SLC9A3: variants seen among roughly 807,000 people sequenced by gnomAD.
SLC9A3 encodes the protein solute carrier family 9 member A3.
In SLC9A3, 37 loss-of-function variants were observed where a neutral mutation model predicts 86.8. The ratio of observed to expected loss-of-function variants is 0.43; its 90% CI spans 0.33 to 0.56. The LOEUF is 0.56. Among genes scored for constraint, SLC9A3 ranks in the 20% least tolerant of loss-of-function variants. The probability of loss-of-function intolerance (pLI) is 0.06; values close to 1 mark genes in which losing one functional copy is unlikely to be tolerated. For missense variants in SLC9A3, 1,011 were observed against 1,171.9 expected (o/e 0.86, Z 2.00); for synonymous variants, 581 against 528.3 (o/e 1.10, Z -1.37).
chr5:495,012 C>T (rs929282323), intron 1 of SLC9A3, among the ~76,000 whole-genome samples: 7 of 152,082 alleles, frequency 4.6e-5, no homozygotes, highest in Admixed American at 3.3e-4. Flanking sequence ...CAGCGGGGCA[C>T]GTGTGGCCCC....
At chr5:479,789 C>T (rs1260938732) in intron 10 of SLC9A3, 47 bp downstream of exon 10, 2 of 1,605,176 alleles carry the variant, frequency 1.2e-6, no homozygotes, top group African/African-American at 2.7e-5. Context: ...CAGCCAGTGC[C>T]AGAGCCTGCT....
Position 491,979 on chromosome 5 carries a change from C to T in SLC9A3, c.304G>A (p.Ala102Thr). 6.2e-7 allele frequency: 1 copy of T among 1,604,466 alleles called. No individual in the cohort carries two copies. The highest frequency in any genetic ancestry group is 8.5e-7 in the Non-Finnish European group (1 of 1,176,206). Residue 102 changes from alanine (A) to threonine (T), a missense_variant, in exon 2 of 17, where the codon GCC becomes ACC. By Grantham distance (58) the Ala-to-Thr change is moderately conservative (BLOSUM62 0). This residue lies in a region of SLC9A3 where 565 missense variants were observed against 790.0 expected (regional missense o/e 0.72). Transcript: ENST00000264938. The surrounding 1 kb of genome is among the most constrained non-coding windows in gnomAD (Gnocchi z 9.2). ...GLVLGGIVWA[A>T]DHIASFTLTP... ...AGTGTGAAGGACGCGATGTGGTCGG[C>T]CGCCCAGACGATGCCGCCCAGCACC...
At position 476,337 on chromosome 5, in the gene SLC9A3, C is replaced by G. The variant is rs776115415; in HGVS notation, c.1932G>C (p.Glu644Asp). 1.9e-6 allele frequency: 3 copies of G among 1,613,824 alleles called. No homozygotes were observed. Among genetic ancestry groups the G allele is most frequent in the Non-Finnish European group, 2.5e-6 (3 of 1,180,030 alleles). ...AGATTTCCCGGTCCTGTTTCTCGTCCTCCGTGGGCGTGAGCTCGTGTCGGC... is the reference window on the plus strand; with the variant it reads ...AGATTTCCCGGTCCTGTTTCTCGTCGTCCGTGGGCGTGAGCTCGTGTCGGC... The part of the protein sequence containing the change: ...LYSRHELTPT[E>D]DEKQDREIFH... The change falls in exon 13 of 17, where the codon GAG (glutamate) becomes GAC (aspartate). Residue 644 changes from glutamate to aspartate, a missense_variant. This residue lies in a region of SLC9A3 where 397 missense variants were observed against 346.3 expected (regional missense o/e 1.15). Transcript: ENST00000264938.
intron 1 of SLC9A3, among the ~76,000 whole-genome samples, chr5:493,396 G>A (rs904250356): frequency 6.6e-6 from 1 of 152,266 alleles, no homozygotes; most frequent in South Asian, 2.1e-4. Flanking sequence ...GAGGGGCGGT[G>A]GAGGCAGTGG....
intron 10 of SLC9A3, chr5:479,546 G>A (rs932487670): frequency 2.6e-5 from 10 of 391,100 alleles, no homozygotes; most frequent in East Asian, 5.8e-5. Context: ...CCTGCTTACC[G>A]TCTGCTCCCA....
chr5:483,048 G>A lies in SLC9A3; in HGVS notation c.1153+214C>T, dbSNP rs542951599. Among the ~76,000 whole-genome samples, 8 of 152,154 alleles carry A rather than the reference G, an allele frequency of 5.3e-5. No homozygotes were observed. In the East Asian group the frequency reaches 1.5e-3, roughly 29 times the overall value. ...CTCGTGCCACTGACCCTGTCTTGAG[G>A]CACATCCAGTGGAGTCAGTGGGAAA... On this transcript the variant is annotated intron_variant, in intron 6 of 16. Coordinates refer to ENST00000264938, the MANE Select transcript of SLC9A3 (RefSeq NM_004174.4).
At position 473,050 on chromosome 5, in the gene SLC9A3, G is replaced by T; in HGVS notation, c.*329C>A. Reference sequence around the variant, plus strand: ...GACGCCAGCTTCAGCAGCGCGGGGCGGCGGCGCGCGCGAGGCCGCTGGAAC... The same window carrying T: ...GACGCCAGCTTCAGCAGCGCGGGGCTGCGGCGCGCGCGAGGCCGCTGGAAC... On this transcript the variant is annotated 3_prime_UTR_variant, in exon 17 of 17. Transcript: ENST00000264938. 1 of 330,112 alleles carries T rather than the reference G, an allele frequency of 3.0e-6. No homozygotes were observed. Among genetic ancestry groups the T allele is most frequent in the Non-Finnish European group, 5.4e-6 (1 of 184,312 alleles). 20.4% of individuals were successfully genotyped at this position (330,112 alleles called of 1,614,324 possible).
intron 1 of SLC9A3, among the ~76,000 whole-genome samples, chr5:498,286 C>T (rs937658271): frequency 5.9e-5 from 9 of 152,148 alleles, no homozygotes; most frequent in Non-Finnish European, 1.0e-4. Context: ...ACTCACATTC[C>T]GGCCATTTCC....
chr5:517,630 C>G (rs1481745580), intron 1 of SLC9A3, among the ~76,000 whole-genome samples: 1 of 151,844 alleles, frequency 6.6e-6, no homozygotes, highest in Admixed American at 6.6e-5. Flanking sequence ...ACTCATCCAT[C>G]TATCCATTCA....
At chr5:507,257 TC>T (rs1202977255) in intron 1 of SLC9A3, among the ~76,000 whole-genome samples, 1 of 115,978 alleles carries the variant, frequency 8.6e-6, no homozygotes, top group Non-Finnish European at 1.7e-5. Flanking sequence ...CAAGCTCCGC[TC>T]CCGGGTTCAC....
chr5:493,936 GGGGAGGGCATGGCCTGCAATGA>G (rs1209525213), intron 1 of SLC9A3, among the ~76,000 whole-genome samples: 1 of 152,244 alleles, frequency 6.6e-6, no homozygotes, highest in Non-Finnish European at 1.5e-5. Flanking sequence ...AACCAAACCA[GGGGAGGGCATGGCCTGCAATGA>G]GGGAGGGCCT....
Position 475,662 on chromosome 5 carries a change from A to G in SLC9A3, c.2150T>C (p.Leu717Pro). 1 of 1,547,536 alleles carries G rather than the reference A, an allele frequency of 6.5e-7. No individual in the cohort carries two copies. The highest frequency in any genetic ancestry group is 8.7e-7 in the Non-Finnish European group (1 of 1,143,022). ...GTTGGGGGGCTCCTCGGTGTCTGAA[A>G]GTTCCAAGTCTGGGGAAGACAGGTT... ...NFTIKEKDLE[L>P]SDTEEPPNYD... Residue 717 changes from leucine to proline, a missense_variant, in exon 15 of 17, where the codon CTT becomes CCT. Around this residue, in one of 3 missense-constraint regions of SLC9A3, gnomAD observed 397 missense variants for 346.3 expected, o/e 1.15. Transcript: ENST00000264938.
rs748877791 is a variant in SLC9A3 at position 476,492 on chromosome 5, G to A, written c.1890+51C>T. On this transcript the variant is annotated intron_variant, in intron 12 of 16. Coordinates refer to ENST00000264938, the MANE Select transcript of SLC9A3 (RefSeq NM_004174.4). ...GGTCCCAGGAGGGGACGAGGAAGCCGCCCCACGGGGTCCCTGCGGGGTCCT... is the reference window on the plus strand; with the variant it reads ...GGTCCCAGGAGGGGACGAGGAAGCCACCCCACGGGGTCCCTGCGGGGTCCT... 1.3e-5 allele frequency: 21 copies of A among 1,603,134 alleles called. No homozygotes were observed. In the Middle Eastern group the frequency reaches 5.9e-4, roughly 45 times the overall value.
Position 473,320 on chromosome 5 carries a change from C to T in SLC9A3, c.*59G>A. ...GGTTTCTCTGGGACAGCGGCGGCGG[C>T]GGTGGGCGGACCGTGGCGCGGGGAC... On this transcript the variant is annotated 3_prime_UTR_variant, in exon 17 of 17. Transcript: ENST00000264938. 8 of 1,387,106 alleles carry T rather than the reference C, an allele frequency of 5.8e-6. No homozygotes were observed. The highest frequency in any genetic ancestry group is 4.7e-5 in the South Asian group (3 of 63,888). The allele number at this position is 1,387,106 out of a possible 1,614,324, so 85.9% of individuals were successfully genotyped here. A position where few individuals can be genotyped will look rare whatever the true frequency, so the allele number is the denominator to read the frequency against.
In SLC9A3 at chr5:483,461, G is replaced by A. The variant is rs1212518019; in HGVS notation, c.954C>T (p.Cys318=). The A allele has an allele frequency of 6.3e-7, 1 of 1,581,624 alleles. No individual in the cohort carries two copies. Among genetic ancestry groups the A allele is most frequent in the Non-Finnish European group, 8.6e-7 (1 of 1,163,940 alleles). Residue 318 remains cysteine (C), a synonymous_variant, in exon 6 of 17, where the codon TGC becomes TGT. Coordinates refer to ENST00000264938, the MANE Select transcript of SLC9A3 (RefSeq NM_004174.4). ...AILAITFCGI[C]CQKYVKANIS... ...TGTTGGCCTTCACATACTTCTGACA[G>A]CAGATGCCACAGAAGGTGATGCTGC...
rs376843480 is a variant in SLC9A3 at position 477,285 on chromosome 5, G to A, written c.1760+47C>T. 5.7e-4 allele frequency: 776 copies of A among 1,372,376 alleles called. 7 individuals are homozygous for A. The Middle Eastern group carries it at 0.013, about 23-fold the overall frequency. The allele number at this position is 1,372,376 out of a possible 1,614,324, so 85.0% of individuals were successfully genotyped here. A position where few individuals can be genotyped will look rare whatever the true frequency, so the allele number is the denominator to read the frequency against. The stretch of plus-strand genomic sequence containing the variant: ...GCCCTGTCTGTGACTCTCAGCTCCC[G>A]AGGCTGGGCTCTTCCCCAGGGAAGC... On this transcript the variant is annotated intron_variant, in intron 11 of 16. Coordinates refer to ENST00000264938, the MANE Select transcript of SLC9A3 (RefSeq NM_004174.4).
At chr5:478,843 G>C (rs916788409) in intron 10 of SLC9A3, 2 of 154,704 alleles carry the variant, frequency 1.3e-5, no homozygotes, top group Non-Finnish European at 2.9e-5. Flanking sequence ...TGGTCCAGGA[G>C]CCCTCCTTCC....
intron 9 of SLC9A3, chr5:480,215 C>G (rs1172262350): frequency 2.2e-6 from 1 of 447,054 alleles, no homozygotes; most frequent in Non-Finnish European, 4.1e-6. Context: ...GCTCAGGACA[C>G]GGTGGGTGTC....
Position 476,315 on chromosome 5 carries a change from T to C in SLC9A3, c.1954A>G (p.Ile652Val), listed in dbSNP as rs1293936891. 8.1e-6 allele frequency: 13 copies of C among 1,613,862 alleles called. No homozygotes were observed. Among genetic ancestry groups the C allele is most frequent in the Non-Finnish European group, 1.1e-5 (13 of 1,180,028 alleles). ...CGCTTCCGCATGGTCCTGTGGAAGATTTCCCGGTCCTGTTTCTCGTCCTCC... is the reference window on the plus strand; with the variant it reads ...CGCTTCCGCATGGTCCTGTGGAAGACTTCCCGGTCCTGTTTCTCGTCCTCC... ...PTEDEKQDRE[I>V]FHRTMRKRLE... Residue 652 changes from isoleucine to valine, a missense_variant, in exon 13 of 17, where the codon ATC (isoleucine) becomes GTC (valine). Physicochemically the swap from Ile to Val is conservative, Grantham distance 29. Around this residue, in one of 3 missense-constraint regions of SLC9A3, gnomAD observed 397 missense variants for 346.3 expected, o/e 1.15. Coordinates refer to ENST00000264938, the MANE Select transcript of SLC9A3 (RefSeq NM_004174.4).
Sources: allele counts gnomAD v4.1 joint callset (sites outside exome capture counted in the v4.1 genomes callset), GRCh38; gene constraint gnomAD v4.1.1; regional missense constraint gnomAD v4.1.1; non-coding constraint Gnocchi (gnomAD v3.1); transcripts MANE v1.5; gene names NCBI Gene and HGNC (gene_info 2026-07-23, HGNC 2026-07-21).